Variants in MEP1B observed in about 807,000 individuals in gnomAD.
MEP1B encodes meprin A subunit beta, also known as N-benzoyl-L-tyrosyl-P-amino-benzoic acid hydrolase subunit beta.
Under a neutral mutation model 84.6 loss-of-function variants are expected in MEP1B, and 80 were observed. The observed-to-expected ratio is 0.95, with a 90% CI of 0.79 to 1.14. The LOEUF is 1.14. Among genes scored for constraint, MEP1B ranks in the 50% most tolerant of loss-of-function variants. The pLI, the probability that MEP1B is intolerant of heterozygous loss-of-function variation, is 0.00. For synonymous variants in MEP1B, 273 were observed against 288.1 expected, an observed-to-expected ratio of 0.95 and a Z score of 0.53; for missense variants, 766 against 855.1, an observed-to-expected ratio of 0.90 and a Z score of 1.30.
At chr18:32,195,511 T>C (rs775525596) in intron 5 of MEP1B, 26 bp downstream of exon 5, 11 of 1,387,446 alleles carry the variant, frequency 7.9e-6, no homozygotes, top group African/African-American at 1.4e-5. Flanking sequence ...GAAGTATCCA[T>C]AACTAATGTC....
At chr18:32,216,935 C>G in intron 12 of MEP1B, 56 bp from the exon 13 acceptor site, 1 of 1,518,420 alleles carries the variant, frequency 6.6e-7, no homozygotes, top group Non-Finnish European at 8.9e-7. Context: ...AATTAAAGAT[C>G]AAATGATTGT....
chr18:32,215,615 G>C lies in MEP1B; in HGVS notation c.1759+354G>C, dbSNP rs563837042. ...CGAGGCGAGTGGATCACGAGGTCAG[G>C]AGATCGAGACCATCCTGGCTAACAC... On this transcript the variant is annotated intron_variant, in intron 12 of 14. Coordinates refer to ENST00000269202, the MANE Select transcript of MEP1B (RefSeq NM_005925.3). Among the ~76,000 whole-genome samples, 96 of 152,268 alleles carry C rather than the reference G, an allele frequency of 6.3e-4. 1 individual carries two copies. The highest frequency in any genetic ancestry group is 2.3e-3 in the African/African-American group (95 of 41,572).
intron 11 of MEP1B, 91 bp from the exon 12 acceptor site, chr18:32,214,991 C>A: frequency 1.1e-6 from 1 of 890,306 alleles, no homozygotes; most frequent in South Asian, 1.5e-5. Context: ...TGAGTTCCAG[C>A]CTAATTGTGT....
At chr18:32,204,563 G>A (rs1195678205) in intron 7 of MEP1B, among the ~76,000 whole-genome samples, 1 of 152,080 alleles carries the variant, frequency 6.6e-6, no homozygotes, top group Non-Finnish European at 1.5e-5. Context: ...CTAGAAACTG[G>A]TTTTGTGGTT....
chr18:32,220,292 T>G lies in MEP1B; in HGVS notation c.*47T>G, dbSNP rs180868362. The G allele has an allele frequency of 3.6e-3, 5,653 of 1,581,004 alleles. 30 individuals carry two copies. The highest frequency in any genetic ancestry group is 0.011 in the Middle Eastern group (65 of 6,010). Reference sequence around the variant, plus strand: ...CAGCTAATGAAATTAAAAAGGATTCTTCATCATGGATTTCGCCTAAGTGAT... The same window carrying G: ...CAGCTAATGAAATTAAAAAGGATTCGTCATCATGGATTTCGCCTAAGTGAT... On this transcript the variant is annotated 3_prime_UTR_variant, in exon 15 of 15. Transcript: ENST00000269202.
At position 32,210,549 on chromosome 18, in the gene MEP1B, C is replaced by A. The variant is rs778262788; in HGVS notation, c.968C>A (p.Ala323Asp). ...HFDSSSVNVG[A>D]TAVLESRTLY... ...GATAGCAGCTCTGTAAATGTGGGGG[C>A]CACAGCAGTGCTGGAAAGTAGAACG... Residue 323 changes from alanine to aspartate, a missense_variant, in exon 10 of 15, where the codon GCC (alanine) becomes GAC (aspartate). By Grantham distance (126) the Ala-to-Asp change is moderately radical (BLOSUM62 -2). Transcript: ENST00000269202. The A allele has an allele frequency of 2.2e-5, 35 of 1,613,854 alleles. No homozygotes were observed. The highest frequency in any genetic ancestry group is 2.8e-5 in the Non-Finnish European group (33 of 1,179,898).
chr18:32,191,456 T>C (rs1422606891), intron 1 of MEP1B, among the ~76,000 whole-genome samples: 1 of 152,060 alleles, frequency 6.6e-6, no homozygotes, highest in Non-Finnish European at 1.5e-5. Context: ...TGAGAATAAA[T>C]TATTTGGTTT....
chr18:32,210,846 C>T, intron 10 of MEP1B, 130 bp downstream of exon 10: 1 of 727,746 alleles, frequency 1.4e-6, no homozygotes, highest in Non-Finnish European at 2.3e-6. Flanking sequence ...GAACTAGATT[C>T]TTGTTTTAAG....
At chr18:32,206,554 G>A (rs893229370) in intron 7 of MEP1B, among the ~76,000 whole-genome samples, 7 of 151,018 alleles carry the variant, frequency 4.6e-5, no homozygotes, top group Non-Finnish European at 8.8e-5. Context: ...CTCAGCCTCC[G>A]GAGTAGCTGG....
At chr18:32,205,626 A>G (rs576337736) in intron 7 of MEP1B, among the ~76,000 whole-genome samples, 5 of 152,342 alleles carry the variant, frequency 3.3e-5, no homozygotes, top group African/African-American at 1.2e-4. Flanking sequence ...ACTTCTGCTC[A>G]CATTTGATAA....
intron 7 of MEP1B, among the ~76,000 whole-genome samples, chr18:32,204,797 T>G (rs1438906636): frequency 6.6e-6 from 1 of 152,202 alleles, no homozygotes; most frequent in African/African-American, 2.4e-5. Flanking sequence ...GCCTTCTTGC[T>G]GTGTCACATA....
intron 11 of MEP1B, 121 bp from the exon 12 acceptor site, chr18:32,214,961 A>G: frequency 1.4e-6 from 1 of 713,046 alleles, no homozygotes; most frequent in Non-Finnish European, 2.4e-6. Context: ...TCACAGGTCA[A>G]TAGCATCATT....
intron 1 of MEP1B, 62 bp downstream of exon 1, chr18:32,190,195 A>G (rs2040788419): frequency 8.4e-7 from 1 of 1,196,330 alleles, no homozygotes; most frequent in Non-Finnish European, 1.2e-6. Context: ...TTGATTGTTA[A>G]AGAACAAGTG....
chr18:32,213,433 G>C lies in MEP1B; in HGVS notation c.1453G>C (p.Asp485His), dbSNP rs1490368067. 1 of 1,613,900 alleles carries C rather than the reference G, an allele frequency of 6.2e-7. No homozygotes were observed. The highest frequency in any genetic ancestry group is 1.1e-5 in the South Asian group (1 of 91,080). Reference protein sequence around the residue: ...IYFHLISGANDDQLQWPCPWQ... With the variant: ...IYFHLISGANHDQLQWPCPWQ... The stretch of plus-strand genomic sequence containing the variant: ...TTTCCACTTGATCTCTGGAGCCAAT[G>C]ATGATCAATTACAGTGGCCATGTCC... Residue 485 changes from aspartate to histidine, a missense_variant, in exon 11 of 15, where the codon GAT (aspartate) becomes CAT (histidine). Physicochemically the swap from Asp to His is moderately conservative, Grantham distance 81. Transcript: ENST00000269202.
At chr18:32,199,705 T>C (rs888599075) in intron 5 of MEP1B, among the ~76,000 whole-genome samples, 2 of 151,028 alleles carry the variant, frequency 1.3e-5, no homozygotes, top group Admixed American at 6.6e-5. Context: ...CCTTCCTTCC[T>C]TCCTTCTTTC....
At chr18:32,199,589 AT>A (rs1568265925) in intron 5 of MEP1B, among the ~76,000 whole-genome samples, 2 of 128,058 alleles carry the variant, frequency 1.6e-5, no homozygotes, top group Non-Finnish European at 3.4e-5. Context: ...TTGAATATAC[AT>A]GTTTTTTTGG....
intron 13 of MEP1B, 88 bp from the exon 14 acceptor site, chr18:32,217,673 A>T: frequency 1.8e-6 from 2 of 1,086,840 alleles, no homozygotes; most frequent in Non-Finnish European, 2.8e-6. Flanking sequence ...GTGATCAAAT[A>T]GACTAAAGGT....
intron 10 of MEP1B, among the ~76,000 whole-genome samples, chr18:32,211,030 G>A (rs971116723): frequency 2.6e-5 from 4 of 152,138 alleles, no homozygotes; most frequent in African/African-American, 7.2e-5. Flanking sequence ...TTGGGAGGCC[G>A]AGGCGGTCGG....
intron 14 of MEP1B, among the ~76,000 whole-genome samples, chr18:32,219,433 A>T (rs2041126911): frequency 6.6e-6 from 1 of 152,172 alleles, no homozygotes; most frequent in African/African-American, 2.4e-5. Context: ...TATGACTCAA[A>T]ATAAAAGGGG....
Sources: gnomAD v4.1 joint callset for allele counts (sites outside exome capture counted in the v4.1 genomes callset) on GRCh38, gnomAD v4.1.1 for gene constraint, MANE v1.5 for transcripts, NCBI Gene and HGNC (gene_info 2026-07-23, HGNC 2026-07-21) for gene names.